The following ARID4A variants were observed in gnomAD, a reference collection of about 807,000 sequenced individuals.
ARID4A encodes AT-rich interaction domain 4A, also known as AT-rich interactive domain-containing protein 4A.
In ARID4A, 39 loss-of-function variants were observed where a neutral mutation model predicts 148.6. That is an observed-to-expected ratio of 0.26 (90% CI 0.20 to 0.34). The LOEUF (loss-of-function observed/expected upper bound fraction) is 0.34. Among genes scored for constraint, ARID4A ranks in the 10% least tolerant of loss-of-function variants. The probability of loss-of-function intolerance (pLI) is 1.00; values close to 1 mark genes in which losing one functional copy is unlikely to be tolerated. For missense variants in ARID4A, 1,265 were observed against 1,449.1 expected (o/e 0.87, Z 2.06); for synonymous variants, 475 against 481.2 (o/e 0.99, Z 0.17).
chr14:58,300,881 A>G (rs541768756), intron 2 of ARID4A, among the ~76,000 whole-genome samples: 2 of 151,736 alleles, frequency 1.3e-5, no homozygotes, highest in African/African-American at 4.8e-5. Flanking sequence ...AATGAGTGGT[A>G]GAGTGACATT....
At chr14:58,302,690 C>G (rs10136481) in intron 3 of ARID4A, among the ~76,000 whole-genome samples, 107,054 of 151,944 alleles carry the variant, frequency 0.7, 38,086 homozygotes, top group Middle Eastern at 0.87. Flanking sequence ...TGAAGTGGCT[C>G]ACACCTGCAG....
intron 17 of ARID4A, among the ~76,000 whole-genome samples, chr14:58,357,926 G>A (rs985511774): frequency 9.9e-5 from 15 of 152,192 alleles, no homozygotes; most frequent in Non-Finnish European, 2.1e-4. Flanking sequence ...GAGAAGGCCA[G>A]GTGCAATGGC....
At position 58,373,524 on chromosome 14, in the gene ARID4A, T is replaced by C. The variant is rs1473896279; in HGVS notation, c.*1535T>C. 4 of 178,056 alleles carry C rather than the reference T, an allele frequency of 2.2e-5. No homozygotes were observed. Among genetic ancestry groups the C allele is most frequent in the African/African-American group, 9.5e-5 (4 of 42,308 alleles). The allele number at this position is 178,056 out of a possible 1,614,324, so 11.0% of individuals were successfully genotyped here. A position where few individuals can be genotyped will look rare whatever the true frequency, so the allele number is the denominator to read the frequency against. On this transcript the variant is annotated 3_prime_UTR_variant, in exon 24 of 24. Transcript: ENST00000355431. ...TCAGAGCTAAACACTAGTGATGGCA[T>C]AGCATTACTGAAATCATTGTTTCTT...
chr14:58,330,347 A>C (rs943875985), intron 11 of ARID4A, among the ~76,000 whole-genome samples, 178 bp downstream of exon 11: 3 of 152,228 alleles, frequency 2.0e-5, no homozygotes, highest in African/African-American at 7.2e-5. Context: ...TGTAAATCAG[A>C]ACTAATTCTT....
At position 58,359,185 on chromosome 14, in the gene ARID4A, G is replaced by T; in HGVS notation, c.1907G>T (p.Gly636Val). Residue 636 changes from glycine (G) to valine (V), a missense_variant, in exon 18 of 24, where the codon GGA (glycine) becomes GTA (valine). By Grantham distance (109) the Gly-to-Val change is moderately radical. This residue lies in a region of ARID4A where 666 missense variants were observed against 730.9 expected (regional missense o/e 0.91). Coordinates refer to ENST00000355431, the MANE Select transcript of ARID4A (RefSeq NM_002892.4). ...DRIIWPLDKG[G>V]PKKKQKKKAK... is the part of the protein sequence containing the mutation. The stretch of plus-strand genomic sequence containing the variant: ...ATAATCTGGCCTTTGGACAAAGGTG[G>T]ACCAAAGAAAAAACAGAAGAAAAAA... 6.2e-7 allele frequency: 1 copy of T among 1,600,180 alleles called. No homozygotes were observed. Among genetic ancestry groups the T allele is most frequent in the South Asian group, 1.1e-5 (1 of 88,546 alleles).
intron 5 of ARID4A, among the ~76,000 whole-genome samples, chr14:58,306,777 G>A (rs1342794357): frequency 6.6e-6 from 1 of 152,198 alleles, no homozygotes; most frequent in African/African-American, 2.4e-5. Context: ...TACTCTGGAG[G>A]CTGAGGCAGG....
intron 23 of ARID4A, chr14:58,370,012 C>T (rs2035533678): frequency 6.6e-6 from 1 of 152,144 alleles, no homozygotes; most frequent in South Asian, 2.1e-4. Flanking sequence ...TAGTGGATGA[C>T]TTTGTGGTAG....
chr14:58,372,070 C>T lies in ARID4A; in HGVS notation c.*81C>T. On this transcript the variant is annotated 3_prime_UTR_variant, in exon 24 of 24. Transcript: ENST00000355431. ...CCCTGAATTACAACCACAGAAAGCACTCAACTGGTTTGACATTGCTAAGTA... is the reference window on the plus strand; with the variant it reads ...CCCTGAATTACAACCACAGAAAGCATTCAACTGGTTTGACATTGCTAAGTA... The T allele has an allele frequency of 2.0e-6, 2 of 1,000,776 alleles. No individual in the cohort carries two copies. Among genetic ancestry groups the T allele is most frequent in the Non-Finnish European group, 3.1e-6 (2 of 641,380 alleles). The allele number at this position is 1,000,776 out of a possible 1,614,324, so 62.0% of individuals were successfully genotyped here.
intron 19 of ARID4A, 119 bp from the exon 20 acceptor site, chr14:58,364,051 G>A (rs2035244903): frequency 2.2e-6 from 1 of 456,764 alleles, no homozygotes; most frequent in South Asian, 1.1e-4. Context: ...ATTTCTACAG[G>A]GAGGTATTCA....
At chr14:58,319,163 A>G (rs1304779342) in intron 7 of ARID4A, among the ~76,000 whole-genome samples, 4 of 152,132 alleles carry the variant, frequency 2.6e-5, no homozygotes, top group East Asian at 1.9e-4. Flanking sequence ...GGGTTCAAGC[A>G]ATTCTCCTGC....
At chr14:58,360,045 G>A (rs559131417) in intron 18 of ARID4A, among the ~76,000 whole-genome samples, 22 of 146,996 alleles carry the variant, frequency 1.5e-4, no homozygotes, top group South Asian at 6.4e-4. Flanking sequence ...CAGCCTGGGC[G>A]ACAGAGCAAG....
intron 5 of ARID4A, among the ~76,000 whole-genome samples, chr14:58,308,995 A>G (rs1186472738): frequency 6.6e-6 from 1 of 152,224 alleles, no homozygotes; most frequent in African/African-American, 2.4e-5. Context: ...CTTGCATAAT[A>G]CAGGTATCAA....
chr14:58,323,467 A>G lies in ARID4A; in HGVS notation c.450-18A>G, dbSNP rs140731982. The G allele has an allele frequency of 1.3e-4, 206 of 1,599,000 alleles. 1 individual carries two copies. The East Asian group carries it at 4.0e-3, about 31-fold the overall frequency. On this transcript the variant is annotated intron_variant, in intron 7 of 23. Coordinates refer to ENST00000355431, the MANE Select transcript of ARID4A (RefSeq NM_002892.4). ...ATTGTTTGTGTTAGGATAATGATCAAGTTATTCTAACTTTTAGTACTGAAG... is the reference window on the plus strand; with the variant it reads ...ATTGTTTGTGTTAGGATAATGATCAGGTTATTCTAACTTTTAGTACTGAAG...
intron 23 of ARID4A, among the ~76,000 whole-genome samples, chr14:58,369,632 A>AAT (rs376249558): frequency 9.9e-5 from 15 of 150,950 alleles, no homozygotes; most frequent in Admixed American, 9.9e-4. Flanking sequence ...AAAAAAAAAA[A>AAT]GTAGATTCTA....
At chr14:58,309,973 A>C (rs1051796346) in intron 5 of ARID4A, among the ~76,000 whole-genome samples, 11 of 152,234 alleles carry the variant, frequency 7.2e-5, no homozygotes, top group Admixed American at 2.6e-4. Flanking sequence ...AGACTCGCTT[A>C]TGACAAATGT....
intron 17 of ARID4A, among the ~76,000 whole-genome samples, chr14:58,357,740 A>C (rs1372240857): frequency 6.6e-6 from 1 of 151,822 alleles, no homozygotes; most frequent in East Asian, 1.9e-4. Flanking sequence ...TAAAGCAAGG[A>C]CTGCCTGTTG....
At chr14:58,333,648 T>C (rs2067540247) in intron 11 of ARID4A, among the ~76,000 whole-genome samples, 2 of 152,108 alleles carry the variant, frequency 1.3e-5, no homozygotes, top group South Asian at 4.1e-4. Flanking sequence ...TATATTCCAG[T>C]ATTGTAAAAA....
At chr14:58,310,648 T>A (rs994183481) in intron 5 of ARID4A, among the ~76,000 whole-genome samples, 6 of 151,040 alleles carry the variant, frequency 4.0e-5, no homozygotes, top group Non-Finnish European at 8.8e-5. Context: ...GACTTAAGAC[T>A]TGAAATTGTC....
intron 17 of ARID4A, among the ~76,000 whole-genome samples, chr14:58,357,644 A>G (rs1387396202): frequency 2.4e-5 from 3 of 125,202 alleles, no homozygotes; most frequent in East Asian, 2.3e-4. Context: ...CTCATCAGCT[A>G]TCGTTAGTGT....
Sources: gnomAD v4.1 joint callset for allele counts (sites outside exome capture counted in the v4.1 genomes callset) on GRCh38, gnomAD v4.1.1 for gene constraint, gnomAD v4.1.1 regional missense constraint, MANE v1.5 for transcripts, NCBI Gene and HGNC (gene_info 2026-07-23, HGNC 2026-07-21) for gene names.